The following PRICKLE1 variants were observed in gnomAD, a reference collection of about 807,000 sequenced individuals.
PRICKLE1 encodes prickle-like protein 1.
Under a neutral mutation model 70.2 loss-of-function variants are expected in PRICKLE1, and 14 were observed. The observed-to-expected ratio is 0.20, with a 90% CI of 0.13 to 0.31. The LOEUF (loss-of-function observed/expected upper bound fraction) is 0.31, where lower values mean the gene tolerates loss of function less well. Among genes scored for constraint, PRICKLE1 ranks in the 10% least tolerant of loss-of-function variants. The pLI is 1.00. For synonymous variants in PRICKLE1, 357 were observed against 379.9 expected (o/e 0.94, Z 0.70); for missense variants, 821 against 1,026.2 (o/e 0.80, Z 2.73).
At chr12:42,575,821 C>G (rs1940796371) in intron 1 of PRICKLE1, among the ~76,000 whole-genome samples, 1 of 152,162 alleles carries the variant, frequency 6.6e-6, no homozygotes, top group African/African-American at 2.4e-5. Context: ...CTGATAATGA[C>G]TTGGCCAAAC....
At chr12:42,511,608 G>A (rs1421153655) in intron 1 of PRICKLE1, among the ~76,000 whole-genome samples, 1 of 152,158 alleles carries the variant, frequency 6.6e-6, no homozygotes, top group Non-Finnish European at 1.5e-5. Flanking sequence ...GGTTCCACAG[G>A]AGAGGGGGGT....
intron 1 of PRICKLE1, among the ~76,000 whole-genome samples, chr12:42,567,961 A>G (rs1238314977): frequency 6.6e-6 from 1 of 152,208 alleles, no homozygotes; most frequent in Non-Finnish European, 1.5e-5. Context: ...AATATTTGTA[A>G]TTCTCAATAA....
At chr12:42,488,276 A>ACCAG (rs939987862) in intron 1 of PRICKLE1, among the ~76,000 whole-genome samples, 12 of 152,174 alleles carry the variant, frequency 7.9e-5, no homozygotes, top group African/African-American at 2.9e-4. Flanking sequence ...TGACACTAAT[A>ACCAG]CCAGATAGGT....
At chr12:42,522,038 C>T (rs1439599828) in intron 1 of PRICKLE1, among the ~76,000 whole-genome samples, 5 of 150,798 alleles carry the variant, frequency 3.3e-5, no homozygotes, top group South Asian at 2.1e-4. Flanking sequence ...TGCAGTGGCA[C>T]GATCTCGGCT....
Position 42,579,216 on chromosome 12 carries a change from T to C in PRICKLE1, c.-49+10249A>G, listed in dbSNP as rs551941057. On this transcript the variant is annotated intron_variant, in intron 1 of 7. Transcript: ENST00000345127. ...GGATTGGGGAGTGCTAGATGGTGACTGGGAAAAAGCAGGGATGCTGCTATT... is the reference window on the plus strand; with the variant it reads ...GGATTGGGGAGTGCTAGATGGTGACCGGGAAAAAGCAGGGATGCTGCTATT... 2.6e-5 allele frequency among the ~76,000 whole-genome samples: 4 copies of C among 152,292 alleles called. No homozygotes were observed. In the East Asian group the frequency reaches 5.8e-4, roughly 22 times the overall value.
intron 1 of PRICKLE1, among the ~76,000 whole-genome samples, chr12:42,538,959 A>G (rs1372233744): frequency 6.6e-6 from 1 of 152,202 alleles, no homozygotes; most frequent in African/African-American, 2.4e-5. Flanking sequence ...TGCTAGCTCA[A>G]CTTCAAGAAA....
intron 1 of PRICKLE1, among the ~76,000 whole-genome samples, chr12:42,561,356 TC>T (rs534589624): frequency 1.5e-3 from 225 of 152,328 alleles, no homozygotes; most frequent in Non-Finnish European, 9.4e-4. Context: ...TTTCTGACCT[TC>T]TTTCTTCTAC....
intron 1 of PRICKLE1, among the ~76,000 whole-genome samples, chr12:42,587,500 G>A (rs536696506): frequency 3.9e-5 from 6 of 152,168 alleles, no homozygotes; most frequent in East Asian, 1.9e-4. Flanking sequence ...AGCACCTTTC[G>A]GTTTTAATAT....
chr12:42,509,143 T>C (rs1939469468), intron 1 of PRICKLE1, among the ~76,000 whole-genome samples: 1 of 152,208 alleles, frequency 6.6e-6, no homozygotes, highest in African/African-American at 2.4e-5. Flanking sequence ...CCTGACAGTC[T>C]GAGCAGCCAC....
At chr12:42,575,318 T>C (rs1424100364) in intron 1 of PRICKLE1, among the ~76,000 whole-genome samples, 1 of 152,202 alleles carries the variant, frequency 6.6e-6, no homozygotes, top group Non-Finnish European at 1.5e-5. Flanking sequence ...TCATAATTCA[T>C]ATGTTATTTC....
chr12:42,502,306 CT>C (rs1167933367), intron 1 of PRICKLE1, among the ~76,000 whole-genome samples: 31 of 119,710 alleles, frequency 2.6e-4, no homozygotes, highest in African/African-American at 7.9e-4. Flanking sequence ...TTTTTCTTTT[CT>C]TTTCTTTTCT....
intron 1 of PRICKLE1, among the ~76,000 whole-genome samples, chr12:42,570,656 C>T (rs1377868250): frequency 1.3e-5 from 2 of 152,088 alleles, no homozygotes; most frequent in African/African-American, 4.8e-5. Context: ...CCTGTCTCTA[C>T]TAAAAATACA....
chr12:42,466,415 A>T, intron 5 of PRICKLE1, 35 bp from the exon 6 acceptor site: 1 of 1,595,136 alleles, frequency 6.3e-7, no homozygotes, highest in Admixed American at 1.7e-5. Flanking sequence ...AGAATGAAAG[A>T]AAATCATTAG....
intron 1 of PRICKLE1, among the ~76,000 whole-genome samples, chr12:42,541,720 TG>T (rs1402437279): frequency 6.6e-6 from 1 of 152,200 alleles, no homozygotes; most frequent in African/African-American, 2.4e-5. Flanking sequence ...CCTCCAAGGC[TG>T]GCCAGGTGAC....
At chr12:42,575,008 CTT>C (rs111401287) in intron 1 of PRICKLE1, among the ~76,000 whole-genome samples, 4 of 138,652 alleles carry the variant, frequency 2.9e-5, no homozygotes, top group Non-Finnish European at 3.2e-5. Flanking sequence ...ATTCAGGCTT[CTT>C]TTTTTTTTTT....
chr12:42,497,087 A>C (rs1939214851), intron 1 of PRICKLE1, among the ~76,000 whole-genome samples: 1 of 152,162 alleles, frequency 6.6e-6, no homozygotes, highest in South Asian at 2.1e-4. Context: ...TTTTGATTGA[A>C]AGTGAGAGAT....
At chr12:42,571,633 T>C (rs1392788963) in intron 1 of PRICKLE1, among the ~76,000 whole-genome samples, 1 of 152,240 alleles carries the variant, frequency 6.6e-6, no homozygotes, top group Admixed American at 6.5e-5. Context: ...CGCTTGTTTT[T>C]ATGATGCAGG....
chr12:42,582,197 A>C (rs1940913763), intron 1 of PRICKLE1, among the ~76,000 whole-genome samples: 1 of 152,240 alleles, frequency 6.6e-6, no homozygotes, highest in Non-Finnish European at 1.5e-5. Flanking sequence ...AAACACAAAC[A>C]TCTTCTCTGT....
At chr12:42,579,512 A>G (rs1465940086) in intron 1 of PRICKLE1, among the ~76,000 whole-genome samples, 1 of 152,214 alleles carries the variant, frequency 6.6e-6, no homozygotes, top group Non-Finnish European at 1.5e-5. Flanking sequence ...AATGCTTCAC[A>G]GTATTTCTTC....
Sources: allele counts gnomAD v4.1 joint callset (sites outside exome capture counted in the v4.1 genomes callset), GRCh38; gene constraint gnomAD v4.1.1; transcripts MANE v1.5; gene names NCBI Gene and HGNC (gene_info 2026-07-23, HGNC 2026-07-21).